SOX6: variants seen among roughly 807,000 people sequenced by gnomAD.
The protein encoded by SOX6 is transcription factor SOX-6.
In SOX6, 11 loss-of-function variants were observed where a neutral mutation model predicts 97.8. The observed-to-expected ratio is 0.11, with a 90% CI of 0.07 to 0.19. The LOEUF is 0.19. Among genes scored for constraint, SOX6 ranks in the 10% least tolerant of loss-of-function variants. The probability of loss-of-function intolerance (pLI) is 1.00; values close to 1 mark genes in which losing one functional copy is unlikely to be tolerated. For synonymous variants in SOX6, 360 were observed against 371.4 expected (o/e 0.97, Z 0.35); for missense variants, 810 against 1,039.5 (o/e 0.78, Z 3.04).
chr11:16,524,431 C>T (rs915627567), intron 4 of SOX6, among the ~76,000 whole-genome samples: 5 of 152,220 alleles, frequency 3.3e-5, no homozygotes, highest in Non-Finnish European at 7.4e-5. Context: ...TTCAACAACC[C>T]TTCATGCTAA....
intron 3 of SOX6, chr11:16,645,929 T>C (rs1334662373): frequency 6.6e-6 from 1 of 152,070 alleles, no homozygotes; most frequent in Non-Finnish European, 1.5e-5. Context: ...AAGCTGAATT[T>C]ATTTAAAAAA....
chr11:16,449,661 C>T (rs551087736), intron 1 of SOX6, among the ~76,000 whole-genome samples: 3 of 152,136 alleles, frequency 2.0e-5, no homozygotes, highest in Admixed American at 2.0e-4. Context: ...AGACATACAT[C>T]TCCACAACAG....
intron 4 of SOX6, among the ~76,000 whole-genome samples, chr11:16,216,041 T>C (rs183299940): frequency 2.6e-5 from 4 of 152,316 alleles, no homozygotes; most frequent in Admixed American, 6.5e-5. Flanking sequence ...TATTTTGCTG[T>C]CTTGAACAAA....
At position 15,967,187 on chromosome 11, in the gene SOX6, C is replaced by T. The variant is rs991840363; in HGVS notation, c.*5622G>A. On this transcript the variant is annotated 3_prime_UTR_variant, in exon 16 of 16. Coordinates refer to ENST00000683767, the MANE Select transcript of SOX6 (RefSeq NM_001367873.1). ...GGGCCAAGTAGGTACCTGCATTATACATAGAATTTCTACAAAGAAAATCTG... is the reference window on the plus strand; with the variant it reads ...GGGCCAAGTAGGTACCTGCATTATATATAGAATTTCTACAAAGAAAATCTG... 5 of 152,234 alleles carry T rather than the reference C, an allele frequency of 3.3e-5. No homozygotes were observed. The highest frequency in any genetic ancestry group is 3.3e-4 in the Admixed American group (5 of 15,294). 9.4% of individuals were successfully genotyped at this position (152,234 alleles called of 1,614,324 possible).
At chr11:16,393,422 C>T (rs1300149710) in intron 1 of SOX6, among the ~76,000 whole-genome samples, 1 of 151,892 alleles carries the variant, frequency 6.6e-6, no homozygotes, top group Admixed American at 6.6e-5. Context: ...AAATATCCCT[C>T]TACCTACCTG....
At chr11:16,201,328 A>G (rs1224792687) in intron 4 of SOX6, among the ~76,000 whole-genome samples, 1 of 152,112 alleles carries the variant, frequency 6.6e-6, no homozygotes, top group East Asian at 1.9e-4. Flanking sequence ...CTGACAAGGT[A>G]ATATTACATA....
At chr11:16,126,724 C>T (rs1386729886) in intron 6 of SOX6, among the ~76,000 whole-genome samples, 1 of 152,202 alleles carries the variant, frequency 6.6e-6, no homozygotes, top group East Asian at 1.9e-4. Context: ...GCTCTTAAAA[C>T]ACAGAAACTA....
At chr11:16,416,057 T>C (rs1179341994) in intron 1 of SOX6, among the ~76,000 whole-genome samples, 1 of 152,168 alleles carries the variant, frequency 6.6e-6, no homozygotes, top group African/African-American at 2.4e-5. Flanking sequence ...ACAATGAACA[T>C]GATCATGGTG....
intron 3 of SOX6, among the ~76,000 whole-genome samples, chr11:16,619,678 G>T (rs925601504): frequency 6.6e-6 from 1 of 151,948 alleles, no homozygotes; most frequent in African/African-American, 2.4e-5. Context: ...AATATGTAAC[G>T]GTACCTGGAT....
intron 1 of SOX6, among the ~76,000 whole-genome samples, chr11:16,450,737 T>G (rs1859700915): frequency 6.6e-6 from 1 of 152,232 alleles, no homozygotes; most frequent in Non-Finnish European, 1.5e-5. Context: ...CCAAATATAC[T>G]ATATTGATAT....
chr11:15,997,789 C>T (rs1854271251), intron 13 of SOX6, among the ~76,000 whole-genome samples: 1 of 152,164 alleles, frequency 6.6e-6, no homozygotes, highest in Admixed American at 6.5e-5. Context: ...TGTCCACTCT[C>T]ACCATTGTTA....
chr11:15,984,877 C>T (rs757078031), intron 15 of SOX6, among the ~76,000 whole-genome samples: 2 of 152,124 alleles, frequency 1.3e-5, no homozygotes, highest in Non-Finnish European at 2.9e-5. Context: ...TTATTGATAT[C>T]GTATTAAGCA....
At chr11:16,344,577 GT>G (rs1856726372) in intron 1 of SOX6, among the ~76,000 whole-genome samples, 2 of 151,844 alleles carry the variant, frequency 1.3e-5, no homozygotes, top group African/African-American at 2.4e-5. Flanking sequence ...ATGTTTCAGT[GT>G]TTTAAAATGT....
In SOX6 at chr11:16,438,794, ATCTTGAGCAACCTTTATAGTCCCTAGG is replaced by A. The variant is rs139408217; in HGVS notation, c.-5+37494_-5+37520del. On this transcript the variant is annotated intron_variant, in intron 1 of 15. Transcript: ENST00000396356. ...CAAAGGAGAAGTCCATGATCAGGAA[ATCTTGAGCAACCTTTATAGTCCCTAGG>A]TCTAAAAAGAGATCCCCTTGCTCGC... 7.3e-3 allele frequency among the ~76,000 whole-genome samples: 1,109 copies of A among 152,116 alleles called. 15 individuals are homozygous for A. Among genetic ancestry groups the A allele is most frequent in the African/African-American group, 0.024 (994 of 41,510 alleles).
chr11:15,974,408 A>G (rs1049270346), intron 15 of SOX6, among the ~76,000 whole-genome samples: 1 of 46,036 alleles, frequency 2.2e-5, no homozygotes, highest in Non-Finnish European at 4.2e-5. Flanking sequence ...TTTTTATTAT[A>G]CTCTAAGTTT....
chr11:16,214,620 A>G (rs552520117), intron 4 of SOX6, among the ~76,000 whole-genome samples: 8 of 152,116 alleles, frequency 5.3e-5, no homozygotes, highest in African/African-American at 1.9e-4. Context: ...TTTCTCTATA[A>G]GGAGATGCCA....
chr11:16,266,971 G>A (rs1854099589), intron 3 of SOX6, among the ~76,000 whole-genome samples: 1 of 143,814 alleles, frequency 7.0e-6, no homozygotes, highest in Non-Finnish European at 1.5e-5. Flanking sequence ...GATGGAGCTG[G>A]GAAAACTGGA....
chr11:16,170,103 A>G (rs1850994744), intron 6 of SOX6, among the ~76,000 whole-genome samples: 1 of 152,018 alleles, frequency 6.6e-6, no homozygotes, highest in South Asian at 2.1e-4. Flanking sequence ...GGGCTTCGAA[A>G]TTGTTCACAT....
intron 6 of SOX6, among the ~76,000 whole-genome samples, chr11:16,171,117 A>G (rs1253304772): frequency 2.6e-5 from 4 of 152,096 alleles, no homozygotes; most frequent in African/African-American, 9.7e-5. Flanking sequence ...TACTCTAGCA[A>G]AGATAATCTT....
Sources: gnomAD v4.1 joint callset for allele counts (sites outside exome capture counted in the v4.1 genomes callset) on GRCh38, gnomAD v4.1.1 for gene constraint, MANE v1.5 for transcripts, NCBI Gene and HGNC (gene_info 2026-07-23, HGNC 2026-07-21) for gene names.